Variants in RP1L1 observed in about 807,000 individuals in gnomAD.
The protein encoded by RP1L1 is RP1 like 1.
In RP1L1, 27 loss-of-function variants were observed where a neutral mutation model predicts 15.7. The ratio of observed to expected loss-of-function variants is 1.72; its 90% confidence interval spans 1.27 to 2.38. RP1L1 has a LOEUF of 2.38. Ranked by LOEUF, RP1L1 falls within the 30% of genes most tolerant of loss-of-function variation. The pLI is 0.00. For synonymous variants in RP1L1, 1,813 were observed against 1,276.7 expected (o/e 1.42, Z -8.96); for missense variants, 4,798 against 3,075.9 (o/e 1.56, Z -13.24).
rs1294310663 is a variant in RP1L1, at chr8:10,612,181, T to A, written c.1917A>T (p.Arg639Ser). Residue 639 changes from arginine (R) to serine (S), a missense_variant, in exon 4 of 4, where the codon AGA (arginine) becomes AGT (serine). Arg to Ser is a moderately radical substitution (Grantham distance 110). Transcript: ENST00000382483. ...TTGCACTGGCCCGGCTTCTGTGCCT[T>A]CTCTGCCCCTGCTGGGATGAAGTGC... ...STCTSSQQGQRRHRSRASAMS... is the reference protein window; with the variant it reads ...STCTSSQQGQSRHRSRASAMS... 6.8e-6 allele frequency: 11 copies of A among 1,613,208 alleles called. No individual in the cohort carries two copies. Among genetic ancestry groups the A allele is most frequent in the African/African-American group, 1.3e-5 (1 of 74,934 alleles).
At chr8:10,624,333 C>G (rs1444246177) in intron 1 of RP1L1, among the ~76,000 whole-genome samples, 1 of 152,186 alleles carries the variant, frequency 6.6e-6, no homozygotes, top group East Asian at 1.9e-4. Context: ...CAGACACGCT[C>G]CTACACACAA....
intron 1 of RP1L1, among the ~76,000 whole-genome samples, chr8:10,636,538 C>T (rs910542099): frequency 6.6e-6 from 1 of 152,172 alleles, no homozygotes; most frequent in Non-Finnish European, 1.5e-5. Context: ...GAATGGCAAC[C>T]CAGGCCCTGG....
intron 1 of RP1L1, among the ~76,000 whole-genome samples, chr8:10,631,066 G>C (rs1798233729): frequency 6.6e-6 from 1 of 152,126 alleles, no homozygotes; most frequent in Non-Finnish European, 1.5e-5. Context: ...TTTGTTTACG[G>C]CTGCCACAGT....
In RP1L1 at chr8:10,607,458, C is replaced by T. The variant is rs532233178; in HGVS notation, c.6640G>A (p.Ala2214Thr). Residue 2214 changes from alanine (A) to threonine (T), a missense_variant, in exon 4 of 4, where the codon GCC (alanine) becomes ACC (threonine). By Grantham distance (58) the Ala-to-Thr change is moderately conservative. Coordinates refer to ENST00000382483, the MANE Select transcript of RP1L1 (RefSeq NM_178857.6). ...TGGGCCTCCTCTTCAGCCTCCGGGG[C>T]CTCTACACCTTCTAACTCTGGTTGG... The part of the protein sequence containing the change: ...EAQPELEGVE[A>T]PEAEEEAQPE... 1.2e-6 allele frequency: 2 copies of T among 1,613,612 alleles called. No individual in the cohort carries two copies. Among genetic ancestry groups the T allele is most frequent in the Non-Finnish European group, 8.5e-7 (1 of 1,179,852 alleles).
At chr8:10,642,027 G>C (rs923903092) in intron 1 of RP1L1, among the ~76,000 whole-genome samples, 1 of 152,112 alleles carries the variant, frequency 6.6e-6, no homozygotes, top group South Asian at 2.1e-4. Flanking sequence ...CCGGATCAAT[G>C]GTCAATGTCT....
At chr8:10,615,783 C>T (rs151107189) in intron 3 of RP1L1, among the ~76,000 whole-genome samples, 422 of 152,262 alleles carry the variant, frequency 2.8e-3, no homozygotes, top group African/African-American at 9.5e-3. Context: ...CTCAAGTGAT[C>T]CTCCTGTCCT....
intron 1 of RP1L1, among the ~76,000 whole-genome samples, chr8:10,637,133 G>C (rs1400136094): frequency 1.3e-5 from 2 of 152,222 alleles, no homozygotes; most frequent in Non-Finnish European, 2.9e-5. Context: ...GAGCAGGCAA[G>C]GAGACAGCTG....
intron 1 of RP1L1, among the ~76,000 whole-genome samples, chr8:10,644,035 C>T (rs1046670046): frequency 4.0e-5 from 6 of 151,810 alleles, no homozygotes; most frequent in South Asian, 2.1e-4. Context: ...TTGTATTGCC[C>T]GGGAGTGGTT....
chr8:10,637,970 C>G (rs1053770625), intron 1 of RP1L1, among the ~76,000 whole-genome samples: 1 of 152,344 alleles, frequency 6.6e-6, no homozygotes, highest in South Asian at 2.1e-4. Context: ...GGGCTGGGTC[C>G]CCTTTGCAAC....
At chr8:10,653,112 T>G (rs2117274144) in intron 1 of RP1L1, among the ~76,000 whole-genome samples, 1 of 152,288 alleles carries the variant, frequency 6.6e-6, no homozygotes, top group East Asian at 1.9e-4. Flanking sequence ...GTTGACAGAT[T>G]GATTTACTGA....
chr8:10,608,863 A>G lies in RP1L1; in HGVS notation c.5235T>C (p.Asp1745=). The change falls in exon 4 of 4, where the codon GAT becomes GAC. Residue 1745 remains aspartate, a synonymous_variant. Coordinates refer to ENST00000382483, the MANE Select transcript of RP1L1 (RefSeq NM_178857.6). ...TGTTGAGTCTCTGGCTCCCCTCGCCATCCTCACCCTCGTCCACTCCAGGCC... is the reference window on the plus strand; with the variant it reads ...TGTTGAGTCTCTGGCTCCCCTCGCCGTCCTCACCCTCGTCCACTCCAGGCC... ...SQGPGVDEGE[D]GEGSQRLNRD... 6.2e-7 allele frequency: 1 copy of G among 1,613,690 alleles called. No individual in the cohort carries two copies. The highest frequency in any genetic ancestry group is 1.7e-4 in the Middle Eastern group (1 of 6,060).
At position 10,609,843 on chromosome 8, in the gene RP1L1, T is replaced by G; in HGVS notation, c.4255A>C (p.Lys1419Gln). The G allele has an allele frequency of 6.2e-7, 1 of 1,614,132 alleles. No homozygotes were observed. The highest frequency in any genetic ancestry group is 8.5e-7 in the Non-Finnish European group (1 of 1,180,028). ...ACTGGGTCATCTTCCTGGGAGCCTT[T>G]CCCATCCGGAGAGCTGGCCTCTGAC... The part of the protein sequence containing the change: ...ELSEASSPDG[K>Q]GSQEDDPVQE... The change falls in exon 4 of 4, where the codon AAA becomes CAA. Residue 1419 changes from lysine to glutamine, a missense_variant. Physicochemically the swap from Lys to Gln is moderately conservative, Grantham distance 53 (BLOSUM62 1). Transcript: ENST00000382483.
intron 2 of RP1L1, chr8:10,621,261 C>T (rs533924678): frequency 1.3e-5 from 2 of 155,032 alleles, no homozygotes; most frequent in Admixed American, 6.4e-5. Context: ...GGAGGGAGAG[C>T]TCTGTTACTC....
chr8:10,621,220 T>C (rs1469488172), intron 2 of RP1L1: 1 of 154,878 alleles, frequency 6.5e-6, no homozygotes, highest in East Asian at 1.9e-4. Context: ...AATGCGATTG[T>C]GGGGAGAAGG....
Position 10,613,798 on chromosome 8 carries a change from GA to G in RP1L1, c.752-453del, listed in dbSNP as rs974114070. Among the ~76,000 whole-genome samples the G allele has an allele frequency of 5.9e-4, 86 of 145,696 alleles. 1 individual carries two copies. The highest frequency in any genetic ancestry group is 3.4e-3 in the Middle Eastern group (1 of 290). On this transcript the variant is annotated intron_variant, in intron 3 of 3. Coordinates refer to ENST00000382483, the MANE Select transcript of RP1L1 (RefSeq NM_178857.6). ...GAGCAAGACCATTAAAAAAAGAAAA[GA>G]AAAAAAAAAGCATGATAAGGGCAGA...
intron 1 of RP1L1, among the ~76,000 whole-genome samples, chr8:10,632,929 CT>C (rs1351478964): frequency 6.6e-6 from 1 of 152,164 alleles, no homozygotes; most frequent in African/African-American, 2.4e-5. Flanking sequence ...CTCTCCTCTC[CT>C]TGGGCGGAGG....
chr8:10,636,775 T>G (rs1214163895), intron 1 of RP1L1, among the ~76,000 whole-genome samples: 1 of 152,214 alleles, frequency 6.6e-6, no homozygotes, highest in Non-Finnish European at 1.5e-5. Context: ...CAGCCGGGCC[T>G]GACCCCTCCC....
chr8:10,631,848 C>G (rs538839503), intron 1 of RP1L1, among the ~76,000 whole-genome samples: 1 of 152,298 alleles, frequency 6.6e-6, no homozygotes, highest in Non-Finnish European at 1.5e-5. Context: ...CACTGCCAGG[C>G]AAGGTCTGGA....
chr8:10,608,755 G>C lies in RP1L1; in HGVS notation c.5343C>G (p.Thr1781=). The part of the protein sequence containing the change: ...EREGKTHNSE[T]SAGSELGEAE... ...CTTCCCCCAACTCACTGCCCGCACT[G>C]GTTTCACTGTTGTGGGTTTTCCCTT... Residue 1781 remains threonine, a synonymous_variant, in exon 4 of 4, where the codon ACC becomes ACG. Coordinates refer to ENST00000382483, the MANE Select transcript of RP1L1 (RefSeq NM_178857.6). 6.2e-7 allele frequency: 1 copy of C among 1,614,186 alleles called. No homozygotes were observed. The highest frequency in any genetic ancestry group is 1.1e-5 in the South Asian group (1 of 91,078).
Sources: gnomAD v4.1 joint callset for allele counts (sites outside exome capture counted in the v4.1 genomes callset) on GRCh38, gnomAD v4.1.1 for gene constraint, MANE v1.5 for transcripts, NCBI Gene and HGNC (gene_info 2026-07-23, HGNC 2026-07-21) for gene names.